The following SLIT2 variants were observed in gnomAD, a reference collection of about 807,000 sequenced individuals.
The protein encoded by SLIT2 is slit homolog 2 protein.
Under a neutral mutation model 185.7 loss-of-function variants are expected in SLIT2, and 41 were observed. That is an observed-to-expected ratio of 0.22 (90% confidence interval 0.17 to 0.29). The LOEUF (loss-of-function observed/expected upper bound fraction) is 0.29. Ranked by LOEUF, SLIT2 falls within the 10% of genes least tolerant of loss-of-function variation. The pLI is 1.00. For synonymous variants in SLIT2, 693 were observed against 680.2 expected, an observed-to-expected ratio of 1.02 and a Z score of -0.29; for missense variants, 1,571 against 1,909.0, an observed-to-expected ratio of 0.82 and a Z score of 3.30.
chr4:20,327,402 G>A (rs1197015010), intron 4 of SLIT2, among the ~76,000 whole-genome samples: 1 of 151,834 alleles, frequency 6.6e-6, no homozygotes, highest in Non-Finnish European at 1.5e-5. Flanking sequence ...CTAGGATGGG[G>A]AAAATCCTAA....
chr4:20,304,510 C>T (rs915564079), intron 4 of SLIT2, among the ~76,000 whole-genome samples: 1 of 152,050 alleles, frequency 6.6e-6, no homozygotes, highest in African/African-American at 2.4e-5. Context: ...ATGTGACAAG[C>T]GTTGGCCAAT....
intron 3 of SLIT2, among the ~76,000 whole-genome samples, chr4:20,267,735 C>T (rs1165052033): frequency 1.3e-5 from 2 of 151,774 alleles, no homozygotes. Flanking sequence ...TGCATCTACC[C>T]GATGACCCTT....
At chr4:20,319,794 A>T (rs1250115089) in intron 4 of SLIT2, among the ~76,000 whole-genome samples, 1 of 132,062 alleles carries the variant, frequency 7.6e-6, no homozygotes, top group East Asian at 2.5e-4. Context: ...GCTTTGGGCC[A>T]GCACTAAAAA....
At chr4:20,419,830 T>C (rs1414870367) in intron 4 of SLIT2, among the ~76,000 whole-genome samples, 1 of 152,096 alleles carries the variant, frequency 6.6e-6, no homozygotes, top group African/African-American at 2.4e-5. Context: ...ATGGTGTGTT[T>C]TGTAACCTTC....
At chr4:20,585,203 G>GA (rs1726957400) in intron 29 of SLIT2, among the ~76,000 whole-genome samples, 1 of 152,162 alleles carries the variant, frequency 6.6e-6, no homozygotes, top group Non-Finnish European at 1.5e-5. Context: ...AGTTACAGTA[G>GA]ATCATTTACT....
chr4:20,419,737 T>C (rs1728018581), intron 4 of SLIT2, among the ~76,000 whole-genome samples: 1 of 149,746 alleles, frequency 6.7e-6, no homozygotes, highest in Non-Finnish European at 1.5e-5. Context: ...GTGACTGTTA[T>C]AGAGTAGAAG....
Position 20,362,268 on chromosome 4 carries a change from G to T in SLIT2, c.395+93387G>T, listed in dbSNP as rs80283215. Among the ~76,000 whole-genome samples, 834 of 152,232 alleles carry T rather than the reference G, an allele frequency of 5.5e-3. 7 individuals carry two copies. The highest frequency in any genetic ancestry group is 0.019 in the African/African-American group (798 of 41,552). Reference sequence around the variant, plus strand: ...ATTTGTAACTTTTGGTTGGGGCTTGGAGTCAGTTGTGGAGCACAGGGTGGG... The same window carrying T: ...ATTTGTAACTTTTGGTTGGGGCTTGTAGTCAGTTGTGGAGCACAGGGTGGG... On this transcript the variant is annotated intron_variant, in intron 4 of 36. Transcript: ENST00000504154.
intron 5 of SLIT2, among the ~76,000 whole-genome samples, chr4:20,471,626 T>G (rs1477615900): frequency 6.6e-6 from 1 of 152,220 alleles, no homozygotes; most frequent in Non-Finnish European, 1.5e-5. Context: ...GTAACAGGTT[T>G]ATGGGATTTG....
chr4:20,467,812 C>T lies in SLIT2; in HGVS notation c.456C>T (p.Asp152=). The change falls in exon 5 of 37, where the codon GAC becomes GAT. Residue 152 remains aspartate, a synonymous_variant. Transcript: ENST00000504154. ...GGAAAGCTTTCCGTGGGGCAGTTGA[C>T]ATAAAAAATTTGTAAGTATCTATTT... is the stretch of plus-strand genomic sequence containing the variant. ...IPRKAFRGAV[D]IKNLQLDYNQ... The T allele has an allele frequency of 6.3e-7, 1 of 1,579,962 alleles. No individual in the cohort carries two copies. The highest frequency in any genetic ancestry group is 8.6e-7 in the Non-Finnish European group (1 of 1,157,466).
At chr4:20,414,823 A>G (rs1727529147) in intron 4 of SLIT2, among the ~76,000 whole-genome samples, 1 of 152,142 alleles carries the variant, frequency 6.6e-6, no homozygotes. Flanking sequence ...GTCTTTCAGC[A>G]GATTGTCTAT....
At chr4:20,505,222 G>A (rs1312959021) in intron 9 of SLIT2, among the ~76,000 whole-genome samples, 1 of 151,836 alleles carries the variant, frequency 6.6e-6, no homozygotes, top group African/African-American at 2.4e-5. Context: ...CATTTTTCAG[G>A]AAGAGAAACT....
At chr4:20,382,571 A>T (rs1188418481) in intron 4 of SLIT2, among the ~76,000 whole-genome samples, 4 of 152,202 alleles carry the variant, frequency 2.6e-5, no homozygotes, top group African/African-American at 9.6e-5. Context: ...AGGATCAGAG[A>T]ATACGAAATA....
At chr4:20,319,518 A>T (rs1190082473) in intron 4 of SLIT2, among the ~76,000 whole-genome samples, 1 of 152,160 alleles carries the variant, frequency 6.6e-6, no homozygotes, top group Non-Finnish European at 1.5e-5. Flanking sequence ...CTTTGAAAAA[A>T]ATGGCAGTGT....
intron 33 of SLIT2, among the ~76,000 whole-genome samples, chr4:20,604,838 AT>A (rs780230047): frequency 3.8e-3 from 537 of 141,654 alleles, no homozygotes; most frequent in Middle Eastern, 0.015. Flanking sequence ...AGATACTTTA[AT>A]TTTTTTTTTT....
chr4:20,502,543 A>G (rs550428358), intron 9 of SLIT2, among the ~76,000 whole-genome samples: 1 of 152,264 alleles, frequency 6.6e-6, no homozygotes, highest in Admixed American at 6.5e-5. Flanking sequence ...CAAAAAACAA[A>G]GAGAGAGGGC....
At chr4:20,413,079 G>T (rs1727380587) in intron 4 of SLIT2, among the ~76,000 whole-genome samples, 1 of 151,866 alleles carries the variant, frequency 6.6e-6, no homozygotes, top group African/African-American at 2.4e-5. Context: ...TTGTAATAAT[G>T]GTAAATATCC....
At chr4:20,478,179 G>T (rs1716322383) in intron 5 of SLIT2, among the ~76,000 whole-genome samples, 1 of 152,120 alleles carries the variant, frequency 6.6e-6, no homozygotes. Flanking sequence ...AAAATTGACA[G>T]GTTAATGAAA....
intron 5 of SLIT2, among the ~76,000 whole-genome samples, chr4:20,475,189 C>A (rs1285263312): frequency 6.6e-6 from 1 of 152,096 alleles, no homozygotes; most frequent in Non-Finnish European, 1.5e-5. Context: ...TGCAGATATT[C>A]ACTGTGAACA....
chr4:20,348,404 AT>A (rs57165574), intron 4 of SLIT2, among the ~76,000 whole-genome samples: 12 of 148,550 alleles, frequency 8.1e-5, no homozygotes, highest in East Asian at 4.0e-4. Context: ...ATGCCTGGCT[AT>A]TTTTTTTTTT....
Sources: allele counts gnomAD v4.1 joint callset (sites outside exome capture counted in the v4.1 genomes callset), GRCh38; gene constraint gnomAD v4.1.1; transcripts MANE v1.5; gene names NCBI Gene and HGNC (gene_info 2026-07-23, HGNC 2026-07-21).